The following DUSP29 variants were observed in gnomAD, a reference collection of about 807,000 sequenced individuals.
DUSP29 encodes atypical dual-specific protein phosphatase.
Under a neutral mutation model 13.5 loss-of-function variants are expected in DUSP29, and 12 were observed. The ratio of observed to expected loss-of-function variants is 0.89; its 90% CI spans 0.57 to 1.44. DUSP29 has a LOEUF of 1.44. Ranked by LOEUF, DUSP29 falls within the 40% of genes most tolerant of loss-of-function variation. The probability of loss-of-function intolerance (pLI) is 0.00; values close to 1 mark genes in which losing one functional copy is unlikely to be tolerated. For synonymous variants in DUSP29, 134 were observed against 128.7 expected (o/e 1.04, Z -0.28); for missense variants, 308 against 301.1 (o/e 1.02, Z -0.17).
intron 2 of DUSP29, among the ~76,000 whole-genome samples, chr10:75,054,761 A>G (rs1846918659): frequency 6.6e-6 from 1 of 152,164 alleles, no homozygotes; most frequent in Non-Finnish European, 1.5e-5. Context: ...CTTAATCCAT[A>G]CAGCCCTGTG....
rs555754979 is a variant in DUSP29, at chr10:75,038,046, G to A, written c.453C>T (p.Arg151=). ...SKILVHCVMG[R]SRSATLVLAY... ...CCAGGACCAGGGTGGCTGACCGGCT[G>A]CGGCCCATGACGCAGTGAACCAGGA... The change falls in exon 4 of 4, where the codon CGC becomes CGT. Residue 151 remains arginine (R), a synonymous_variant. Coordinates refer to ENST00000338487, the MANE Select transcript of DUSP29 (RefSeq NM_001003892.3). 1.2e-6 allele frequency: 2 copies of A among 1,613,778 alleles called. No homozygotes were observed. Among genetic ancestry groups the A allele is most frequent in the African/African-American group, 2.7e-5 (2 of 75,042 alleles).
rs1444144501 is a variant in DUSP29 at position 75,037,595 on chromosome 10, C to T, written c.*241G>A. On this transcript the variant is annotated 3_prime_UTR_variant, in exon 4 of 4. Coordinates refer to ENST00000338487, the MANE Select transcript of DUSP29 (RefSeq NM_001003892.3). ...AGACTTGGTGCAGCGTGGCATGCTC[C>T]TCTGTGACCCAGAGCCGGGGAGCCC... Among the ~76,000 whole-genome samples, 1 of 152,158 alleles carries T rather than the reference C, an allele frequency of 6.6e-6. No individual in the cohort carries two copies. Among genetic ancestry groups the T allele is most frequent in the African/African-American group, 2.4e-5 (1 of 41,434 alleles).
Position 75,037,916 on chromosome 10 carries a change from C to G in DUSP29, c.583G>C (p.Glu195Gln). 6.2e-7 allele frequency: 1 copy of G among 1,613,808 alleles called. No individual in the cohort carries two copies. The highest frequency in any genetic ancestry group is 8.5e-7 in the Non-Finnish European group (1 of 1,180,026). ...TGCTGCACCAGCTGCTTGTCCAGCT[C>G]CCGGAGCTGCTTCAAAAAGCCCCGG... ...PNRGFLKQLR[E>Q]LDKQLVQQRR... Residue 195 changes from glutamate to glutamine, a missense_variant, in exon 4 of 4, where the codon GAG (glutamate) becomes CAG (glutamine). Transcript: ENST00000338487.
At chr10:75,050,759 G>A (rs996037879) in intron 2 of DUSP29, among the ~76,000 whole-genome samples, 3 of 152,204 alleles carry the variant, frequency 2.0e-5, no homozygotes, top group Admixed American at 6.5e-5. Context: ...TGGGGAGTGG[G>A]TGGCTACACC....
At chr10:75,070,305 T>C (rs1847303458) in intron 1 of DUSP29, among the ~76,000 whole-genome samples, 1 of 152,116 alleles carries the variant, frequency 6.6e-6, no homozygotes, top group Non-Finnish European at 1.5e-5. Context: ...CTTCACTATA[T>C]TCTTGGTCAC....
chr10:75,043,930 A>G lies in DUSP29; in HGVS notation c.288T>C (p.Thr96=), dbSNP rs149279157. The G allele has an allele frequency of 1.6e-4, 263 of 1,613,830 alleles. 1 individual carries two copies. The African/African-American group carries it at 3.1e-3, about 19-fold the overall frequency. ...NAAHGRWNVD[T]GPDYYRDMDI... is the part of the protein sequence containing the mutation. ...CCATGTCGCGGTAGTAGTCGGGCCC[A>G]GTGTCCACGTTCCAGCGGCCGTGGG... The change falls in exon 3 of 4, where the codon ACT becomes ACC. Residue 96 remains threonine, a synonymous_variant. Coordinates refer to ENST00000338487, the MANE Select transcript of DUSP29 (RefSeq NM_001003892.3).
At chr10:75,058,269 A>T (rs763438104) in intron 2 of DUSP29, 46 bp downstream of exon 2, 1 of 1,581,294 alleles carries the variant, frequency 6.3e-7, no homozygotes, top group Non-Finnish European at 8.6e-7. Flanking sequence ...TGGCCTGGGG[A>T]GGGGCTGCTG....
At chr10:75,047,886 T>C (rs1027116294) in intron 2 of DUSP29, among the ~76,000 whole-genome samples, 4 of 152,218 alleles carry the variant, frequency 2.6e-5, no homozygotes, top group South Asian at 2.1e-4. Flanking sequence ...TATGCATAGA[T>C]TTGTATATTT....
chr10:75,065,694 TTTTTTTTTTCCG>T (rs1847186513), intron 1 of DUSP29, among the ~76,000 whole-genome samples: 1 of 151,644 alleles, frequency 6.6e-6, no homozygotes, highest in Non-Finnish European at 1.5e-5. Flanking sequence ...TTAAGGATTT[TTTTTTTTTTCCG>T]TAGAGACAGG....
In DUSP29 at chr10:75,044,046, C is replaced by G. The variant is rs904358295; in HGVS notation, c.201-29G>C. On this transcript the variant is annotated intron_variant, in intron 2 of 3. Coordinates refer to ENST00000338487, the MANE Select transcript of DUSP29 (RefSeq NM_001003892.3). The stretch of plus-strand genomic sequence containing the variant: ...GGCGCAGGGGAGAGAAATCTGTGGG[C>G]GCGCGGCGCCCTGCCCCGGGTCCGG... 5 of 1,587,634 alleles carry G rather than the reference C, an allele frequency of 3.1e-6. No individual in the cohort carries two copies. In the Admixed American group the frequency reaches 8.6e-5, roughly 27 times the overall value.
At position 75,038,021 on chromosome 10, in the gene DUSP29, C is replaced by G. The variant is rs1846501885; in HGVS notation, c.478G>C (p.Ala160Pro). 1.2e-6 allele frequency: 2 copies of G among 1,613,828 alleles called. No individual in the cohort carries two copies. The highest frequency in any genetic ancestry group is 2.7e-5 in the African/African-American group (2 of 74,932). The change falls in exon 4 of 4, where the codon GCC becomes CCC. Residue 160 changes from alanine (A) to proline (P), a missense_variant. By Grantham distance (27) the Ala-to-Pro change is conservative. Transcript: ENST00000338487. ...GRSRSATLVL[A>P]YLMIHKDMTL... ...ATGTCCTTGTGGATCATCAGGTAGG[C>G]CAGGACCAGGGTGGCTGACCGGCTG...
chr10:75,043,562 C>A (rs1846630327), intron 3 of DUSP29, among the ~76,000 whole-genome samples: 1 of 152,218 alleles, frequency 6.6e-6, no homozygotes, highest in Non-Finnish European at 1.5e-5. Flanking sequence ...GGGCTCGGAC[C>A]TTTACCCTCG....
At chr10:75,060,515 T>C (rs796710322) in intron 1 of DUSP29, among the ~76,000 whole-genome samples, 13 of 151,796 alleles carry the variant, frequency 8.6e-5, no homozygotes, top group African/African-American at 2.9e-4. Context: ...GGTTGGAAGA[T>C]GTTTGGGAAC....
Position 75,037,846 on chromosome 10 carries a change from C to T in DUSP29, c.653G>A (p.Arg218Lys), listed in dbSNP as rs1846494915. ...CCCTGTGAGTCGGGCCTACAGCTCCCTGCCATCCTCCTCCTCACCGTCCTG... is the reference window on the plus strand; with the variant it reads ...CCCTGTGAGTCGGGCCTACAGCTCCTTGCCATCCTCCTCCTCACCGTCCTG... ...QRQDGEEEDG[R>K]EL Residue 218 changes from arginine to lysine, a missense_variant, in exon 4 of 4, where the codon AGG (arginine) becomes AAG (lysine). Coordinates refer to ENST00000338487, the MANE Select transcript of DUSP29 (RefSeq NM_001003892.3). 6.2e-7 allele frequency: 1 copy of T among 1,605,584 alleles called. No individual in the cohort carries two copies. The highest frequency in any genetic ancestry group is 8.5e-7 in the Non-Finnish European group (1 of 1,176,152).
intron 3 of DUSP29, 106 bp from the exon 4 acceptor site, chr10:75,038,183 T>C: frequency 1.4e-6 from 2 of 1,450,432 alleles, no homozygotes; most frequent in Non-Finnish European, 1.8e-6. Flanking sequence ...CCACAGAAAG[T>C]GACTCAGCAC....
chr10:75,072,752 G>A (rs921326), intron 1 of DUSP29, among the ~76,000 whole-genome samples: 80,522 of 151,622 alleles, frequency 0.53, 23,982 homozygotes, highest in East Asian at 0.95. Flanking sequence ...AGCATTTTCC[G>A]CTTTCCCGAA....
intron 1 of DUSP29, among the ~76,000 whole-genome samples, chr10:75,065,703 T>TC (rs1847186660): frequency 6.6e-6 from 1 of 151,556 alleles, no homozygotes; most frequent in South Asian, 2.1e-4. Context: ...TTTTTTTTTT[T>TC]CCGTAGAGAC....
chr10:75,058,378 C>T lies in DUSP29; in HGVS notation c.137G>A (p.Trp46Ter), dbSNP rs763875822. The T allele has an allele frequency of 1.9e-6, 3 of 1,614,212 alleles. No homozygotes were observed. Among genetic ancestry groups the T allele is most frequent in the South Asian group, 2.2e-5 (2 of 91,086 alleles). Reference sequence around the variant, plus strand: ...GTGGGTGTACTGGGGACTGCCCTTCCAGAAGAGCCGCTCCAGCTCAAAGGC... The same window carrying T: ...GTGGGTGTACTGGGGACTGCCCTTCTAGAAGAGCCGCTCCAGCTCAAAGGC... The part of the protein sequence containing the change: ...PGAFELERLF[W>*]KGSPQYTHVN... Residue 46 changes from tryptophan to a stop codon, truncating the protein, a stop_gained, in exon 2 of 4, where the codon TGG (tryptophan) becomes TAG (stop). Coordinates refer to ENST00000338487, the MANE Select transcript of DUSP29 (RefSeq NM_001003892.3). LOFTEE classifies it high-confidence loss of function.
intron 2 of DUSP29, among the ~76,000 whole-genome samples, chr10:75,057,335 G>A (rs1186133788): frequency 6.6e-6 from 1 of 152,104 alleles, no homozygotes; most frequent in Non-Finnish European, 1.5e-5. Flanking sequence ...GGGTCCTACA[G>A]CATCTGCATC....
Sources: gnomAD v4.1 joint callset for allele counts (sites outside exome capture counted in the v4.1 genomes callset) on GRCh38, gnomAD v4.1.1 for gene constraint, MANE v1.5 for transcripts, NCBI Gene and HGNC (gene_info 2026-07-23, HGNC 2026-07-21) for gene names.